Variants in STK4 observed in about 807,000 individuals in gnomAD.
STK4 encodes serine/threonine kinase 4, also known as serine/threonine-protein kinase 4.
In STK4, 30 loss-of-function variants were observed where a neutral mutation model predicts 64.9. The observed-to-expected ratio is 0.46, with a 90% confidence interval of 0.35 to 0.63. STK4 has a LOEUF of 0.63. Among genes scored for constraint, STK4 ranks in the 20% least tolerant of loss-of-function variants. The pLI is 0.01. For synonymous variants in STK4, 177 were observed against 199.0 expected, an observed-to-expected ratio of 0.89 and a Z score of 0.93; for missense variants, 466 against 598.5, an observed-to-expected ratio of 0.78 and a Z score of 2.31.
intron 2 of STK4, among the ~76,000 whole-genome samples, chr20:44,976,966 A>G (rs2067349742): frequency 6.6e-6 from 1 of 152,108 alleles, no homozygotes; most frequent in African/African-American, 2.4e-5. Context: ...TTTCCCAGAA[A>G]CCTTTCAGCA....
At chr20:45,069,866 G>T (rs577185537) in intron 10 of STK4, among the ~76,000 whole-genome samples, 2 of 152,218 alleles carry the variant, frequency 1.3e-5, no homozygotes, top group East Asian at 3.9e-4. Context: ...ACAAGTAAAA[G>T]AAAATAAATA....
At chr20:44,975,287 C>T (rs1048001839) in intron 2 of STK4, 3 of 886,126 alleles carry the variant, frequency 3.4e-6, no homozygotes, top group Non-Finnish European at 4.1e-6. Context: ...AGTATGATTG[C>T]TGAAATCTTC....
chr20:44,983,578 C>T (rs1601198653), intron 4 of STK4, among the ~76,000 whole-genome samples: 2 of 152,136 alleles, frequency 1.3e-5, no homozygotes, highest in Non-Finnish European at 1.5e-5. Context: ...GCTGTGATTG[C>T]GCCACTGCAC....
At chr20:44,997,786 C>T (rs1270473749) in intron 7 of STK4, among the ~76,000 whole-genome samples, 2 of 152,058 alleles carry the variant, frequency 1.3e-5, no homozygotes, top group Non-Finnish European at 2.9e-5. Context: ...AATCATTGAA[C>T]AAGACAATAA....
At chr20:45,012,584 T>C (rs1006081582) in intron 9 of STK4, among the ~76,000 whole-genome samples, 16 of 152,210 alleles carry the variant, frequency 1.1e-4, no homozygotes, top group African/African-American at 3.9e-4. Flanking sequence ...TACTTATTTG[T>C]TGCTATTACA....
intron 9 of STK4, among the ~76,000 whole-genome samples, chr20:45,022,174 T>A (rs1462376191): frequency 6.6e-6 from 1 of 152,234 alleles, no homozygotes; most frequent in Admixed American, 6.5e-5. Context: ...TGTAACATTT[T>A]AACTAATCAT....
chr20:45,073,720 AAT>A (rs1401382613), intron 10 of STK4, among the ~76,000 whole-genome samples: 3 of 152,158 alleles, frequency 2.0e-5, no homozygotes, highest in Non-Finnish European at 4.4e-5. Flanking sequence ...CCAGGCTTGG[AAT>A]CACTGAACAC....
intron 10 of STK4, 23 bp downstream of exon 10, chr20:45,025,153 G>A (rs369669545): frequency 1.3e-6 from 2 of 1,589,802 alleles, no homozygotes; most frequent in African/African-American, 2.7e-5. Context: ...GGAAGTAAAT[G>A]GTTATGTCTT....
At chr20:45,067,321 G>A (rs796680603) in intron 10 of STK4, among the ~76,000 whole-genome samples, 2 of 152,162 alleles carry the variant, frequency 1.3e-5, no homozygotes, top group African/African-American at 4.8e-5. Flanking sequence ...CAGAAGGGAT[G>A]ATGTGTTTGA....
At position 44,995,206 on chromosome 20, in the gene STK4, C is replaced by T. The variant is rs2145683663; in HGVS notation, c.642C>T (p.Ala214=). The T allele has an allele frequency of 6.2e-7, 1 of 1,613,702 alleles. No homozygotes were observed. Among genetic ancestry groups the T allele is most frequent in the Non-Finnish European group, 8.5e-7 (1 of 1,179,800 alleles). Residue 214 remains alanine (A), a synonymous_variant, in exon 6 of 11, where the codon GCC becomes GCT. Transcript: ENST00000372806. ...ACATCTGGTCCCTGGGAATAACTGCCATAGAAATGGCTGAAGGAAAGCCCC... is the reference window on the plus strand; with the variant it reads ...ACATCTGGTCCCTGGGAATAACTGCTATAGAAATGGCTGAAGGAAAGCCCC... ...VADIWSLGIT[A]IEMAEGKPPY... is the part of the protein sequence containing the mutation.
At chr20:45,065,315 G>C (rs1979466503) in intron 10 of STK4, among the ~76,000 whole-genome samples, 1 of 152,114 alleles carries the variant, frequency 6.6e-6, no homozygotes, top group Non-Finnish European at 1.5e-5. Context: ...GATAGTGGTG[G>C]ATTAACCTTT....
chr20:45,023,544 A>G (rs546389522), intron 9 of STK4, among the ~76,000 whole-genome samples: 62 of 152,282 alleles, frequency 4.1e-4, no homozygotes, highest in Non-Finnish European at 7.8e-4. Context: ...CCCTATGTTC[A>G]TGGAAAGCAA....
chr20:45,022,486 A>G (rs1405111882), intron 9 of STK4, among the ~76,000 whole-genome samples: 1 of 152,224 alleles, frequency 6.6e-6, no homozygotes, highest in Non-Finnish European at 1.5e-5. Context: ...GAACTCAAAT[A>G]TGAGGCAAGC....
At chr20:45,034,690 T>A (rs2068498600) in intron 10 of STK4, among the ~76,000 whole-genome samples, 1 of 151,806 alleles carries the variant, frequency 6.6e-6, no homozygotes, top group African/African-American at 2.4e-5. Context: ...GGCGGGAGGA[T>A]CACTTGAACC....
chr20:44,981,013 A>G (rs1027799297), intron 3 of STK4, among the ~76,000 whole-genome samples: 5 of 151,766 alleles, frequency 3.3e-5, no homozygotes, highest in African/African-American at 1.2e-4. Context: ...ATTCTTCCAA[A>G]TCACTTTGGA....
chr20:45,007,561 C>A (rs368144750), intron 9 of STK4, among the ~76,000 whole-genome samples: 2,635 of 149,372 alleles, frequency 0.018, 100 homozygotes, highest in African/African-American at 0.058. Flanking sequence ...AACAAACAAA[C>A]AAAAAAAAGA....
intron 10 of STK4, among the ~76,000 whole-genome samples, chr20:45,048,379 C>T (rs1163988350): frequency 1.3e-5 from 2 of 152,102 alleles, no homozygotes; most frequent in Non-Finnish European, 2.9e-5. Context: ...GGGTGGGAGA[C>T]ATGGATGAAC....
intron 1 of STK4, among the ~76,000 whole-genome samples, chr20:44,968,053 A>T (rs1314812947): frequency 1.3e-5 from 2 of 152,092 alleles, no homozygotes; most frequent in African/African-American, 2.4e-5. Flanking sequence ...TGAGATACAG[A>T]GGGTAGTGAT....
rs150045645 is a variant in STK4, at chr20:44,976,967, C to T, written c.117-1476C>T. Among the ~76,000 whole-genome samples, 460 of 152,274 alleles carry T rather than the reference C, an allele frequency of 3.0e-3. 2 individuals carry two copies. Among genetic ancestry groups the T allele is most frequent in the African/African-American group, 0.011 (438 of 41,552 alleles). On this transcript the variant is annotated intron_variant, in intron 2 of 10. Transcript: ENST00000372806. Reference sequence around the variant, plus strand: ...CAGGGAAGAAAGTCTTTCCCAGAAACCTTTCAGCAGAATTATCTTCAAATT... The same window carrying T: ...CAGGGAAGAAAGTCTTTCCCAGAAATCTTTCAGCAGAATTATCTTCAAATT...
Sources: gnomAD v4.1 joint callset for allele counts (sites outside exome capture counted in the v4.1 genomes callset) on GRCh38, gnomAD v4.1.1 for gene constraint, MANE v1.5 for transcripts, NCBI Gene and HGNC (gene_info 2026-07-23, HGNC 2026-07-21) for gene names.